The following DCAF8L2 variants were observed in gnomAD, a reference collection of about 807,000 sequenced individuals.
The protein encoded by DCAF8L2 is DDB1 and CUL4 associated factor 8 like 2.
For missense variants in DCAF8L2, 430 were observed against 490.7 expected (o/e 0.88, Z 1.17); for synonymous variants, 200 against 190.9 (o/e 1.05, Z -0.39).
intron 4 of DCAF8L2, among the ~76,000 whole-genome samples, chrX:27,743,857 C>A (rs5971448): frequency 0.044 from 4,724 of 108,489 alleles, 251 homozygotes; most frequent in African/African-American, 0.15. Flanking sequence ...CTCAGCCTCC[C>A]AAGTAGCTGG....
chrX:27,606,546 T>C (rs1926914504), intron 1 of DCAF8L2, among the ~76,000 whole-genome samples: 1 of 104,279 alleles, frequency 9.6e-6, no homozygotes, highest in African/African-American at 3.5e-5. Flanking sequence ...AATGTTTGTA[T>C]TTTTAGTAGA....
the DCAF8L2 span, among the ~76,000 whole-genome samples, chrX:27,496,509 CT>C: frequency 1.8e-5 from 2 of 111,512 alleles, no homozygotes; most frequent in Middle Eastern, 4.6e-3. Flanking sequence ...ATATGTGGTC[CT>C]TTTTGGCTGG....
intron 2 of DCAF8L2, among the ~76,000 whole-genome samples, chrX:27,659,868 G>C (rs756848365): frequency 4.5e-5 from 5 of 110,623 alleles, no homozygotes; most frequent in African/African-American, 6.6e-5. Flanking sequence ...GTGTTCTCTT[G>C]TATCTCACTG....
At chrX:27,641,063 T>C (rs1402132822) in intron 2 of DCAF8L2, among the ~76,000 whole-genome samples, 4 of 112,209 alleles carry the variant, frequency 3.6e-5, no homozygotes, top group Non-Finnish European at 5.6e-5. Context: ...ATAGCTGTTA[T>C]AGATAACACA....
chrX:27,610,302 T>A (rs1198952731), intron 1 of DCAF8L2, among the ~76,000 whole-genome samples: 1 of 110,972 alleles, frequency 9.0e-6, no homozygotes, highest in Non-Finnish European at 1.9e-5. Flanking sequence ...AAGTGCCCAA[T>A]ATCCTTTGGG....
chrX:27,518,688 G>A, the DCAF8L2 span: 675 of 196,206 alleles, frequency 3.4e-3, 2 homozygotes, highest in Non-Finnish European at 5.0e-3. Context: ...GCAGTGAGTC[G>A]AGATCGTGCC....
intron 1 of DCAF8L2, among the ~76,000 whole-genome samples, chrX:27,592,417 G>GTTTTTTTTTTTTTTTTTTTTTTTT (rs1248208449): frequency 1.2e-5 from 1 of 83,954 alleles, no homozygotes; most frequent in Non-Finnish European, 2.2e-5. Flanking sequence ...GTTTGTTTTT[G>GTTTTTTTTTTTTTTTTTTTTTTTT]TTTTTTTTTT....
At chrX:27,624,630 C>T (rs1927927733) in intron 1 of DCAF8L2, among the ~76,000 whole-genome samples, 1 of 111,325 alleles carries the variant, frequency 9.0e-6, no homozygotes, top group African/African-American at 3.3e-5. Context: ...ATAACCAAAA[C>T]AACATGCTAC....
the DCAF8L2 span, among the ~76,000 whole-genome samples, chrX:27,556,435 T>G: frequency 9.0e-6 from 1 of 111,725 alleles, no homozygotes; most frequent in Non-Finnish European, 1.9e-5. Context: ...ATGATTGACT[T>G]TGCAAACTTA....
At chrX:27,503,246 G>A in the DCAF8L2 span, among the ~76,000 whole-genome samples, 7 of 110,866 alleles carry the variant, frequency 6.3e-5, no homozygotes, top group Non-Finnish European at 1.3e-4. Flanking sequence ...CCTGTCTGAG[G>A]CTTCTCTTTT....
intron 4 of DCAF8L2, among the ~76,000 whole-genome samples, chrX:27,730,933 A>C (rs1921156892): frequency 9.0e-6 from 1 of 111,307 alleles, no homozygotes. Context: ...ATTTCGTATC[A>C]CAGGCCTTTA....
chrX:27,477,043 T>G, the DCAF8L2 span, among the ~76,000 whole-genome samples: 1 of 112,158 alleles, frequency 8.9e-6, no homozygotes, highest in Admixed American at 9.4e-5. Context: ...GTTCTCTCAT[T>G]ACTTTTCAAT....
chrX:27,574,831 G>A, the DCAF8L2 span, among the ~76,000 whole-genome samples: 10 of 111,033 alleles, frequency 9.0e-5, no homozygotes, highest in Non-Finnish European at 1.7e-4. Context: ...GTGAGGCTCC[G>A]ACCTCACGGC....
chrX:27,713,178 A>C (rs376858550), intron 3 of DCAF8L2, among the ~76,000 whole-genome samples: 10 of 111,846 alleles, frequency 8.9e-5, no homozygotes, highest in East Asian at 2.8e-4. Flanking sequence ...AAGTCTGAGG[A>C]CTGAAAGGAG....
At position 27,748,055 on chromosome X, in the gene DCAF8L2, A is replaced by G. The variant is rs1922357392; in HGVS notation, c.1160A>G (p.Gln387Arg). 1 of 1,212,253 alleles carries G rather than the reference A, an allele frequency of 8.2e-7. No individual in the cohort carries two copies. Residue 387 changes from glutamine to arginine, a missense_variant, in exon 5 of 5, where the codon CAA (glutamine) becomes CGA (arginine). Coordinates refer to ENST00000451261, the MANE Select transcript of DCAF8L2 (RefSeq NM_001353450.2). ...ACCTACCAATTTGCAGTGGGTGGACAAGATCAGTTTGTAAGGATTTATGAC... is the reference window on the plus strand; with the variant it reads ...ACCTACCAATTTGCAGTGGGTGGACGAGATCAGTTTGTAAGGATTTATGAC... ...ANTYQFAVGG[Q>R]DQFVRIYDQR...
In DCAF8L2 at chrX:27,747,567, T is replaced by C; in HGVS notation, c.672T>C (p.Leu224=). The C allele has an allele frequency of 8.4e-7, 1 of 1,189,865 alleles. No individual in the cohort carries two copies. Among genetic ancestry groups the C allele is most frequent in the Non-Finnish European group, 1.1e-6 (1 of 884,068 alleles). Residue 224 remains leucine (L), a synonymous_variant, in exon 5 of 5, where the codon CTT becomes CTC. Transcript: ENST00000451261. ...FVQRFRLQYR[L]ADHVGCVNTV... ...AGCGTTTCCGCCTGCAATATCGTCTTGCAGACCATGTCGGCTGTGTCAATA... is the reference window on the plus strand; with the variant it reads ...AGCGTTTCCGCCTGCAATATCGTCTCGCAGACCATGTCGGCTGTGTCAATA...
At chrX:27,512,804 A>AAC in the DCAF8L2 span, among the ~76,000 whole-genome samples, 2 of 99,170 alleles carry the variant, frequency 2.0e-5, no homozygotes, top group East Asian at 6.1e-4. Context: ...AAAAAAAAAA[A>AAC]AAAAAACAAA....
At chrX:27,516,228 G>A in the DCAF8L2 span, among the ~76,000 whole-genome samples, 1 of 110,812 alleles carries the variant, frequency 9.0e-6, no homozygotes, top group Non-Finnish European at 1.9e-5. Flanking sequence ...GAATATTAGA[G>A]CCTCCTAACT....
the DCAF8L2 span, among the ~76,000 whole-genome samples, chrX:27,528,022 T>C: frequency 2.3e-5 from 1 of 42,763 alleles, no homozygotes; most frequent in Non-Finnish European, 6.4e-5. Flanking sequence ...TTTAATTAAT[T>C]ATTAAATTAA....
Sources: allele counts gnomAD v4.1 joint callset (sites outside exome capture counted in the v4.1 genomes callset), GRCh38; gene constraint gnomAD v4.1.1; transcripts MANE v1.5; gene names NCBI Gene and HGNC (gene_info 2026-07-23, HGNC 2026-07-21).